Variants in QPRT observed in about 807,000 individuals in gnomAD.
The protein encoded by QPRT is quinolinate phosphoribosyltransferase.
In QPRT, 17 loss-of-function variants were observed where a neutral mutation model predicts 19.8. That is an observed-to-expected ratio of 0.86 (90% CI 0.59 to 1.29). QPRT has a LOEUF of 1.29. Ranked by LOEUF, QPRT falls within the 50% of genes most tolerant of loss-of-function variation. The pLI is 0.00. For synonymous variants in QPRT, 178 were observed against 191.0 expected (o/e 0.93, Z 0.56); for missense variants, 336 against 405.1 (o/e 0.83, Z 1.46).
chr16:29,693,162 C>T lies in QPRT; in HGVS notation c.14-1502C>T, dbSNP rs187171433. ...TCCAATTGCATTCTTTTAGTTATTT[C>T]GAAATGTACAGTTATTATTGACTGT... On this transcript the variant is annotated intron_variant, in intron 1 of 3. Coordinates refer to ENST00000395384, the MANE Select transcript of QPRT (RefSeq NM_014298.6). Among the ~76,000 whole-genome samples, 507 of 152,086 alleles carry T rather than the reference C, an allele frequency of 3.3e-3. 6 individuals are homozygous for T. Among genetic ancestry groups the T allele is most frequent in the Non-Finnish European group, 3.9e-3 (266 of 67,996 alleles).
At chr16:29,688,602 C>G (rs1455458603) in intron 1 of QPRT, among the ~76,000 whole-genome samples, 1 of 152,094 alleles carries the variant, frequency 6.6e-6, no homozygotes, top group East Asian at 1.9e-4. Flanking sequence ...TCACTGCAAA[C>G]TCTGCCTCCT....
intron 2 of QPRT, 147 bp from the exon 3 acceptor site, chr16:29,696,849 C>T: frequency 1.1e-6 from 1 of 937,024 alleles, no homozygotes; most frequent in Non-Finnish European, 1.5e-6. Context: ...CATGGTCCAC[C>T]CGAAGCTTTT....
Position 29,694,714 on chromosome 16 carries a change from T to C in QPRT, c.64T>C (p.Trp22Arg). Residue 22 changes from tryptophan to arginine, a missense_variant, in exon 2 of 4, where the codon TGG becomes CGG. Physicochemically the swap from Trp to Arg is moderately radical, Grantham distance 101. Coordinates refer to ENST00000395384, the MANE Select transcript of QPRT (RefSeq NM_014298.6). ...PVTLAALVDS[W>R]LREDCPGLNY... is the part of the protein sequence containing the mutation. ...CACCCTGGCAGCCCTGGTGGACAGC[T>C]GGCTCCGAGAGGACTGCCCAGGGCT... 2.5e-6 allele frequency: 4 copies of C among 1,575,786 alleles called. No individual in the cohort carries two copies. Among genetic ancestry groups the C allele is most frequent in the Non-Finnish European group, 3.5e-6 (4 of 1,158,238 alleles).
intron 1 of QPRT, among the ~76,000 whole-genome samples, chr16:29,694,032 C>T (rs1967433558): frequency 1.3e-5 from 2 of 151,920 alleles, no homozygotes; most frequent in African/African-American, 2.4e-5. Context: ...CCAGGCTGGC[C>T]TTGAACCCCT....
intron 1 of QPRT, among the ~76,000 whole-genome samples, chr16:29,679,890 A>C (rs909655634): frequency 2.0e-5 from 3 of 151,670 alleles, no homozygotes; most frequent in African/African-American, 7.3e-5. Flanking sequence ...CATTTGAAAG[A>C]TGTATAGCCG....
intron 1 of QPRT, among the ~76,000 whole-genome samples, chr16:29,679,801 G>A (rs1966938047): frequency 6.6e-6 from 1 of 152,156 alleles, no homozygotes; most frequent in African/African-American, 2.4e-5. Context: ...CTGGTTGCCT[G>A]ATAATTTATT....
intron 1 of QPRT, among the ~76,000 whole-genome samples, chr16:29,682,918 T>A (rs997929867): frequency 4.6e-5 from 7 of 152,090 alleles, no homozygotes; most frequent in African/African-American, 1.7e-4. Flanking sequence ...ATTTTTTTGA[T>A]TAAAAAATGT....
At chr16:29,690,651 A>G (rs904689520) in intron 1 of QPRT, among the ~76,000 whole-genome samples, 4 of 152,090 alleles carry the variant, frequency 2.6e-5, no homozygotes, top group African/African-American at 7.2e-5. Flanking sequence ...TTAGACTGAT[A>G]CATTTGAGAC....
At chr16:29,689,855 A>C (rs1005206065) in intron 1 of QPRT, among the ~76,000 whole-genome samples, 2 of 151,214 alleles carry the variant, frequency 1.3e-5, no homozygotes, top group Admixed American at 6.6e-5. Context: ...TCTCACGCGG[A>C]CCCCCTTAGA....
chr16:29,688,357 A>G (rs1303616295), intron 1 of QPRT, among the ~76,000 whole-genome samples: 1 of 152,068 alleles, frequency 6.6e-6, no homozygotes, highest in African/African-American at 2.4e-5. Context: ...AGGATGAGGG[A>G]CTGGCTAAGC....
chr16:29,684,073 C>G (rs924980596), intron 1 of QPRT, among the ~76,000 whole-genome samples: 1 of 152,158 alleles, frequency 6.6e-6, no homozygotes, highest in South Asian at 2.1e-4. Flanking sequence ...GGTACCCACT[C>G]CTGATGATGC....
At chr16:29,687,331 A>C (rs1034338115) in intron 1 of QPRT, among the ~76,000 whole-genome samples, 4 of 152,146 alleles carry the variant, frequency 2.6e-5, no homozygotes, top group Non-Finnish European at 5.9e-5. Flanking sequence ...CAAAACGGCC[A>C]AATATTGGCA....
intron 1 of QPRT, among the ~76,000 whole-genome samples, chr16:29,684,564 G>A (rs1967106964): frequency 1.3e-5 from 2 of 151,968 alleles, no homozygotes; most frequent in Admixed American, 1.3e-4. Context: ...CACCAGGATG[G>A]TCTTGATCTC....
intron 1 of QPRT, among the ~76,000 whole-genome samples, chr16:29,691,194 G>A (rs868846539): frequency 6.5e-4 from 99 of 151,176 alleles, no homozygotes; most frequent in African/African-American, 2.4e-3. Flanking sequence ...GCAAAACCCT[G>A]TCTCTACTAA....
intron 1 of QPRT, among the ~76,000 whole-genome samples, chr16:29,689,795 G>A (rs1159711184): frequency 1.3e-5 from 2 of 152,192 alleles, no homozygotes; most frequent in Non-Finnish European, 2.9e-5. Flanking sequence ...TCTGACCACC[G>A]GTGCTCGCAG....
At chr16:29,683,701 C>G (rs1967079871) in intron 1 of QPRT, among the ~76,000 whole-genome samples, 1 of 152,128 alleles carries the variant, frequency 6.6e-6, no homozygotes, top group Admixed American at 6.6e-5. Context: ...AGTCACAGAG[C>G]AGGGTGGGGG....
At chr16:29,690,109 T>C (rs1967282153) in intron 1 of QPRT, among the ~76,000 whole-genome samples, 1 of 151,654 alleles carries the variant, frequency 6.6e-6, no homozygotes, top group Non-Finnish European at 1.5e-5. Context: ...CTCCCACTTA[T>C]AAGTGAGAAC....
intron 1 of QPRT, 71 bp from the exon 2 acceptor site, chr16:29,694,593 A>G: frequency 6.8e-7 from 1 of 1,464,360 alleles, no homozygotes. Context: ...CTGGTTGTTA[A>G]ATATTTTGAC....
At chr16:29,685,338 C>T (rs1967130399) in intron 1 of QPRT, among the ~76,000 whole-genome samples, 1 of 152,034 alleles carries the variant, frequency 6.6e-6, no homozygotes, top group Non-Finnish European at 1.5e-5. Context: ...AGGGATGATG[C>T]TGCATGCCTG....
Sources: gnomAD v4.1 joint callset for allele counts (sites outside exome capture counted in the v4.1 genomes callset) on GRCh38, gnomAD v4.1.1 for gene constraint, MANE v1.5 for transcripts, NCBI Gene and HGNC (gene_info 2026-07-23, HGNC 2026-07-21) for gene names.